The following AOX1 variants were observed in gnomAD, a reference collection of about 807,000 sequenced individuals.
AOX1 encodes the protein aldehyde oxidase 1.
AOX1 carries 153 observed loss-of-function variants against 169.5 expected under a neutral mutation model. That is an observed-to-expected ratio of 0.90 (90% CI 0.79 to 1.03). The LOEUF (loss-of-function observed/expected upper bound fraction) is 1.03. Ranked by LOEUF, AOX1 falls within the 50% of genes least tolerant of loss-of-function variation. AOX1 has a pLI of 0.00. For missense variants in AOX1, 1,656 were observed against 1,663.9 expected (o/e 1.00, Z 0.08); for synonymous variants, 562 against 581.9 (o/e 0.97, Z 0.49).
At chr2:200,606,757 G>T (rs906897150) in intron 10 of AOX1, among the ~76,000 whole-genome samples, 1 of 152,124 alleles carries the variant, frequency 6.6e-6, no homozygotes, top group African/African-American at 2.4e-5. Flanking sequence ...GTGAATGGGA[G>T]TTCATTCATG....
intron 25 of AOX1, among the ~76,000 whole-genome samples, chr2:200,649,267 C>T (rs1185742582): frequency 1.3e-5 from 2 of 151,814 alleles, no homozygotes; most frequent in Admixed American, 1.3e-4. Context: ...ACACAGCAAG[C>T]TCCTAGGGCC....
In AOX1 at chr2:200,642,343, G is replaced by A. The variant is rs575513482; in HGVS notation, c.2656-267G>A. On this transcript the variant is annotated intron_variant, in intron 24 of 34. Transcript: ENST00000374700. ...GCTCAGGGCCTGTGAACATATCAAA[G>A]GCCTTTGTATATATTTGAAATCTTA... 1.1e-3 allele frequency among the ~76,000 whole-genome samples: 160 copies of A among 151,990 alleles called. 1 individual carries two copies. Among genetic ancestry groups the A allele is most frequent in the African/African-American group, 3.5e-3 (146 of 41,434 alleles).
chr2:200,616,422 G>A (rs546473209), intron 16 of AOX1, among the ~76,000 whole-genome samples: 38 of 152,336 alleles, frequency 2.5e-4, no homozygotes, highest in African/African-American at 8.2e-4. Context: ...GCAAGGCCAT[G>A]GGCTGCTTTG....
At position 200,611,415 on chromosome 2, in the gene AOX1, A is replaced by T. The variant is rs1197069944; in HGVS notation, c.1185A>T (p.Gln395His). The T allele has an allele frequency of 6.2e-7, 1 of 1,613,890 alleles. No individual in the cohort carries two copies. Among genetic ancestry groups the T allele is most frequent in the East Asian group, 2.2e-5 (1 of 44,880 alleles). The change falls in exon 13 of 35, where the codon CAA (glutamine) becomes CAT (histidine). Residue 395 changes from glutamine to histidine, a missense_variant. Coordinates refer to ENST00000374700, the MANE Select transcript of AOX1 (RefSeq NM_001159.4). ...AACGACAGATTCCTTTAAATGAGCA[A>T]TTCCTCAGCAAGTGCCCTAATGCAG... Reference protein sequence around the residue: ...EGKRQIPLNEQFLSKCPNADL... With the variant: ...EGKRQIPLNEHFLSKCPNADL...
At chr2:200,649,244 G>A (rs1445258086) in intron 25 of AOX1, among the ~76,000 whole-genome samples, 1 of 150,534 alleles carries the variant, frequency 6.6e-6, no homozygotes, top group Admixed American at 6.6e-5. Flanking sequence ...GGAATGGCCT[G>A]GCCTGCTAGG....
At position 200,661,595 on chromosome 2, in the gene AOX1, A is replaced by G; in HGVS notation, c.3392A>G (p.Asp1131Gly). The change falls in exon 30 of 35, where the codon GAT (aspartate) becomes GGT (glycine). Residue 1131 changes from aspartate (D) to glycine (G), a missense_variant. Asp to Gly is a moderately conservative substitution (Grantham distance 94, BLOSUM62 -1). Transcript: ENST00000374700. Reference protein sequence around the residue: ...TWKDWAQTAFDESINLSAVGY... With the variant: ...TWKDWAQTAFGESINLSAVGY... ...CCTTCACAGGCACAGACTGCTTTTG[A>G]TGAAAGCATTAACCTTTCAGCTGTT... is the stretch of plus-strand genomic sequence containing the variant. 2.5e-6 allele frequency: 4 copies of G among 1,613,340 alleles called. No homozygotes were observed. Among genetic ancestry groups the G allele is most frequent in the Non-Finnish European group, 3.4e-6 (4 of 1,179,410 alleles).
At chr2:200,668,872 T>C in intron 33 of AOX1, 69 bp downstream of exon 33, 1 of 1,375,276 alleles carries the variant, frequency 7.3e-7, no homozygotes, top group Non-Finnish European at 1.0e-6. Context: ...AAGGCTACAT[T>C]CCTCTCTTGG....
intron 21 of AOX1, among the ~76,000 whole-genome samples, chr2:200,636,117 CTTTTTTTTT>C (rs765127387): frequency 5.6e-5 from 3 of 53,952 alleles, no homozygotes; most frequent in African/African-American, 8.0e-5. Context: ...GTGAGAAGTG[CTTTTTTTTT>C]TTTTTTTTTT....
intron 16 of AOX1, among the ~76,000 whole-genome samples, chr2:200,617,207 T>A (rs2034777780): frequency 6.6e-6 from 1 of 150,814 alleles, no homozygotes; most frequent in South Asian, 2.1e-4. Flanking sequence ...ATGCAATATG[T>A]CTGCCACATA....
rs974912158 is a variant in AOX1, at chr2:200,586,157, A to G, written c.45+4A>G. On this transcript the variant is annotated splice_donor_region_variant and intron_variant, in intron 1 of 34. Coordinates refer to ENST00000374700, the MANE Select transcript of AOX1 (RefSeq NM_001159.4). Reference sequence around the variant, plus strand: ...CTTCTACGTGAACGGCCGCAAGGTGAGCGCCCGCGGGCTTCCTCTGCCCCC... The same window carrying G: ...CTTCTACGTGAACGGCCGCAAGGTGGGCGCCCGCGGGCTTCCTCTGCCCCC... 8 of 1,557,736 alleles carry G rather than the reference A, an allele frequency of 5.1e-6. No homozygotes were observed. Among genetic ancestry groups the G allele is most frequent in the South Asian group, 2.4e-5 (2 of 84,498 alleles).
chr2:200,637,599 G>A (rs113533481), intron 22 of AOX1, among the ~76,000 whole-genome samples: 3,184 of 151,584 alleles, frequency 0.021, 131 homozygotes, highest in African/African-American at 0.074. Flanking sequence ...ATACATATAC[G>A]TGTATGTATA....
At chr2:200,674,653 G>C (rs2036072551), downstream of AOX1, among the ~76,000 whole-genome samples, 1 of 152,208 alleles carries the variant, frequency 6.6e-6, no homozygotes, top group South Asian at 2.1e-4. Context: ...ATGGTGTCAG[G>C]GATGGAGGCC....
rs369685838 is a variant in AOX1 at position 200,599,674 on chromosome 2, G to A, written c.364G>A (p.Val122Met). ...GTGTGGCTTCTGCACACCTGGGATG[G>A]TGATGTCCATCTACACGCTGCTCAG... is the stretch of plus-strand genomic sequence containing the variant. ...TQCGFCTPGM[V>M]MSIYTLLRNH... is the part of the protein sequence containing the mutation. The change falls in exon 5 of 35, where the codon GTG (valine) becomes ATG (methionine). Residue 122 changes from valine to methionine, a missense_variant. Transcript: ENST00000374700. The A allele has an allele frequency of 6.2e-6, 10 of 1,612,498 alleles. No homozygotes were observed. The highest frequency in any genetic ancestry group is 4.4e-5 in the South Asian group (4 of 90,926).
chr2:200,629,544 T>G (rs550648413), intron 20 of AOX1, among the ~76,000 whole-genome samples: 20 of 152,282 alleles, frequency 1.3e-4, no homozygotes, highest in Non-Finnish European at 2.4e-4. Flanking sequence ...CCTGTGCCCT[T>G]TTTTAGAATT....
At chr2:200,666,213 T>G (rs2035921870) in intron 31 of AOX1, among the ~76,000 whole-genome samples, 2 of 152,248 alleles carry the variant, frequency 1.3e-5, no homozygotes, top group Admixed American at 6.5e-5. Context: ...GAACAGCAGA[T>G]GACAATTTGA....
chr2:200,673,988 A>G (rs1366750889), downstream of AOX1, among the ~76,000 whole-genome samples: 1 of 152,178 alleles, frequency 6.6e-6, no homozygotes, highest in African/African-American at 2.4e-5. Flanking sequence ...GTGAAAACAC[A>G]AGTCGTAAGA....
chr2:200,675,794 C>G (rs892377339), downstream of AOX1, among the ~76,000 whole-genome samples: 1 of 151,936 alleles, frequency 6.6e-6, no homozygotes. Context: ...TTCACAACAG[C>G]CCCAAGGGAG....
At chr2:200,600,321 C>G (rs1018740187) in intron 5 of AOX1, among the ~76,000 whole-genome samples, 1 of 152,144 alleles carries the variant, frequency 6.6e-6, no homozygotes. Context: ...GTGGTGGGTG[C>G]TTTCAGGACC....
chr2:200,637,146 C>T (rs1356270757), intron 22 of AOX1, 102 bp downstream of exon 22: 72 of 1,390,778 alleles, frequency 5.2e-5, no homozygotes, highest in Non-Finnish European at 5.3e-5. Flanking sequence ...TTTAATATCA[C>T]ATATACGATA....
Sources: gnomAD v4.1 joint callset for allele counts (sites outside exome capture counted in the v4.1 genomes callset) on GRCh38, gnomAD v4.1.1 for gene constraint, MANE v1.5 for transcripts, NCBI Gene and HGNC (gene_info 2026-07-23, HGNC 2026-07-21) for gene names.